The following USH2A variants were observed in gnomAD, a reference collection of about 807,000 sequenced individuals.
The protein encoded by USH2A is Usher syndrome 2A (autosomal recessive, mild).
In USH2A, 443 loss-of-function variants were observed where a neutral mutation model predicts 538.9. That is an observed-to-expected ratio of 0.82 (90% confidence interval 0.76 to 0.89). The LOEUF is 0.89. Among genes scored for constraint, USH2A ranks in the 40% least tolerant of loss-of-function variants. USH2A has a pLI of 0.00. For synonymous variants in USH2A, 2,413 were observed against 2,273.5 expected, an observed-to-expected ratio of 1.06 and a Z score of -1.75; for missense variants, 6,633 against 6,324.8, an observed-to-expected ratio of 1.05 and a Z score of -1.65.
At chr1:216,051,698 C>G (rs1187456498) in intron 30 of USH2A, among the ~76,000 whole-genome samples, 1 of 152,174 alleles carries the variant, frequency 6.6e-6, no homozygotes, top group Non-Finnish European at 1.5e-5. Context: ...CATGCTTCAG[C>G]TGAGGCATAG....
chr1:215,821,916 A>C (rs2102801010), intron 47 of USH2A, among the ~76,000 whole-genome samples: 1 of 152,026 alleles, frequency 6.6e-6, no homozygotes, highest in Admixed American at 6.6e-5. Flanking sequence ...TCCTTTGTTA[A>C]AAATGAGTTG....
At chr1:216,125,910 G>A (rs911036218) in intron 21 of USH2A, among the ~76,000 whole-genome samples, 2 of 152,156 alleles carry the variant, frequency 1.3e-5, no homozygotes, top group South Asian at 2.1e-4. Context: ...ATCTAAGAAC[G>A]CCGTAGGTCT....
At chr1:216,060,466 T>C (rs1267165101) in intron 30 of USH2A, among the ~76,000 whole-genome samples, 1 of 152,226 alleles carries the variant, frequency 6.6e-6, no homozygotes, top group Non-Finnish European at 1.5e-5. Context: ...TATATTATTA[T>C]TTGTGTTATA....
At chr1:215,758,804 G>T in intron 57 of USH2A, 52 bp from the exon 58 acceptor site, 1 of 1,576,412 alleles carries the variant, frequency 6.3e-7, no homozygotes, top group South Asian at 1.1e-5. Flanking sequence ...CAAGAGACTT[G>T]AACAATGATT....
At chr1:215,688,627 C>T (rs952307755) in intron 61 of USH2A, among the ~76,000 whole-genome samples, 1 of 152,114 alleles carries the variant, frequency 6.6e-6, no homozygotes, top group Non-Finnish European at 1.5e-5. Flanking sequence ...TGAAGCCTCT[C>T]TTCTGGCTTA....
chr1:215,858,395 G>C (rs192394587), intron 44 of USH2A, among the ~76,000 whole-genome samples: 1 of 151,256 alleles, frequency 6.6e-6, no homozygotes, highest in African/African-American at 2.4e-5. Flanking sequence ...TTACGGGGGT[G>C]GTTTCCCCCA....
rs141448793 is a variant in USH2A at position 215,904,324 on chromosome 1, C to T, written c.7301-3419G>A. Among the ~76,000 whole-genome samples, 615 of 152,128 alleles carry T rather than the reference C, an allele frequency of 4.0e-3. 5 individuals carry two copies. Among genetic ancestry groups the T allele is most frequent in the African/African-American group, 0.014 (575 of 41,518 alleles). On this transcript the variant is annotated intron_variant, in intron 38 of 71. Coordinates refer to ENST00000307340, the MANE Select transcript of USH2A (RefSeq NM_206933.4). Reference sequence around the variant, plus strand: ...GCTTTATAATAATAATAAGATGTCACGAATTCTCTTCTGAGTAATAACAAA... The same window carrying T: ...GCTTTATAATAATAATAAGATGTCATGAATTCTCTTCTGAGTAATAACAAA...
chr1:215,882,185 C>T (rs1664927050), intron 41 of USH2A, among the ~76,000 whole-genome samples: 1 of 152,186 alleles, frequency 6.6e-6, no homozygotes, highest in Non-Finnish European at 1.5e-5. Context: ...TTAGGCAAAA[C>T]ATTTAACATC....
chr1:215,967,064 A>G (rs112341091), intron 36 of USH2A, among the ~76,000 whole-genome samples: 123 of 152,296 alleles, frequency 8.1e-4, no homozygotes, highest in South Asian at 2.9e-3. Flanking sequence ...GGCACTTGGG[A>G]AAGGTAAAAG....
At chr1:215,855,139 A>C (rs1664127497) in intron 44 of USH2A, among the ~76,000 whole-genome samples, 1 of 151,280 alleles carries the variant, frequency 6.6e-6, no homozygotes, top group Non-Finnish European at 1.5e-5. Flanking sequence ...GCAATCAGAC[A>C]AGAGAAAAAA....
chr1:215,846,020 T>C lies in USH2A; in HGVS notation c.8859A>G (p.Leu2953=), dbSNP rs1663836221. ...GTGTGTAATATTCAACTTCACCTTG[T>C]AGGTCTTGAACAGCTGTCAACAATA... is the stretch of plus-strand genomic sequence containing the variant. The part of the protein sequence containing the change: ...VRWAKPTVQD[L]QGEVEYYTLF... The change falls in exon 45 of 72, where the codon CTA becomes CTG. Residue 2953 remains leucine, a synonymous_variant. Transcript: ENST00000307340. The C allele has an allele frequency of 6.2e-7, 1 of 1,613,556 alleles. No individual in the cohort carries two copies. Among genetic ancestry groups the C allele is most frequent in the African/African-American group, 1.3e-5 (1 of 74,886 alleles).
At chr1:215,650,860 A>AAAAAAAAAAGAAAGG in intron 64 of USH2A, 59 bp from the exon 65 acceptor site, 1 of 1,580,208 alleles carries the variant, frequency 6.3e-7, no homozygotes, top group Non-Finnish European at 8.6e-7. Flanking sequence ...TGGGAAAAAA[A>AAAAAAAAAAGAAAGG]AAAAAAAAAG....
intron 21 of USH2A, among the ~76,000 whole-genome samples, chr1:216,116,345 G>C (rs532157148): frequency 6.6e-6 from 1 of 151,822 alleles, no homozygotes; most frequent in South Asian, 2.1e-4. Context: ...ATTTTATTTT[G>C]TAAAACAAGC....
intron 9 of USH2A, among the ~76,000 whole-genome samples, chr1:216,306,068 T>C (rs970774055): frequency 6.6e-6 from 1 of 152,152 alleles, no homozygotes; most frequent in African/African-American, 2.4e-5. Context: ...TCTAGCAAGG[T>C]TGGGGACGTT....
At chr1:215,925,463 G>T (rs989852121) in intron 38 of USH2A, among the ~76,000 whole-genome samples, 5 of 152,152 alleles carry the variant, frequency 3.3e-5, no homozygotes, top group African/African-American at 1.2e-4. Flanking sequence ...CTATTCGAAA[G>T]ATTCATATGA....
intron 13 of USH2A, among the ~76,000 whole-genome samples, chr1:216,233,426 G>A (rs1255319129): frequency 6.6e-6 from 1 of 152,014 alleles, no homozygotes; most frequent in Non-Finnish European, 1.5e-5. Context: ...TTTCCTAAGT[G>A]TTCATGAAAA....
intron 61 of USH2A, among the ~76,000 whole-genome samples, chr1:215,718,128 A>G (rs1659538150): frequency 6.6e-6 from 1 of 152,232 alleles, no homozygotes. Context: ...ACCCAGGCAC[A>G]GCACTAACAA....
chr1:216,143,224 T>G (rs552681340), intron 21 of USH2A, among the ~76,000 whole-genome samples: 276 of 152,330 alleles, frequency 1.8e-3, no homozygotes, highest in Non-Finnish European at 3.4e-3. Flanking sequence ...ATTTATTTTA[T>G]CCTTGACAAT....
At chr1:216,282,757 AAGGTGGGC>A (rs1193382799) in intron 11 of USH2A, among the ~76,000 whole-genome samples, 2 of 152,216 alleles carry the variant, frequency 1.3e-5, no homozygotes, top group Admixed American at 1.3e-4. Flanking sequence ...GCAAAGAAGT[AAGGTGGGC>A]ATTTAACAAA....
Sources: gnomAD v4.1 joint callset for allele counts (sites outside exome capture counted in the v4.1 genomes callset) on GRCh38, gnomAD v4.1.1 for gene constraint, MANE v1.5 for transcripts, NCBI Gene and HGNC (gene_info 2026-07-23, HGNC 2026-07-21) for gene names.